DOK7: variants seen among roughly 807,000 people sequenced by gnomAD.
The protein encoded by DOK7 is docking protein 7.
In DOK7, 32 loss-of-function variants were observed where a neutral mutation model predicts 30.7. That is an observed-to-expected ratio of 1.04 (90% CI 0.79 to 1.40). The LOEUF (loss-of-function observed/expected upper bound fraction) is 1.40. Ranked by LOEUF, DOK7 falls within the 40% of genes most tolerant of loss-of-function variation. The pLI is 0.00. For missense variants in DOK7, 1,007 were observed against 699.2 expected (o/e 1.44, Z -4.97); for synonymous variants, 447 against 324.1 (o/e 1.38, Z -4.07).
At chr4:3,484,059 A>G (rs1881803) in intron 4 of DOK7, among the ~76,000 whole-genome samples, 92,351 of 152,130 alleles carry the variant, frequency 0.61, 28,591 homozygotes, top group East Asian at 0.92. Context: ...ATCGGGCCAG[A>G]AGGTGCACAG....
In DOK7 at chr4:3,489,682, A is replaced by C; in HGVS notation, c.658A>C (p.Ser220Arg). Reference protein sequence around the residue: ...FGLRPVLPDPSPPGPSTVEER... With the variant: ...FGLRPVLPDPRPPGPSTVEER... ...GAGTCTTCTCTCTGCCACAGACCCAAGTCCCCCGGGACCCTCGACTGTGGA... is the reference window on the plus strand; with the variant it reads ...GAGTCTTCTCTCTGCCACAGACCCACGTCCCCCGGGACCCTCGACTGTGGA... Residue 220 changes from serine to arginine, a missense_variant, in exon 6 of 7, where the codon AGT becomes CGT. Transcript: ENST00000340083. 6.4e-7 allele frequency: 1 copy of C among 1,566,036 alleles called. No homozygotes were observed. Among genetic ancestry groups the C allele is most frequent in the Non-Finnish European group, 8.7e-7 (1 of 1,155,608 alleles).
chr4:3,493,534 G>C lies in DOK7; in HGVS notation c.*33G>C. On this transcript the variant is annotated 3_prime_UTR_variant, in exon 7 of 7. Coordinates refer to ENST00000340083, the MANE Select transcript of DOK7 (RefSeq NM_173660.5). ...AGATCCCGCCCCGCGGCTGCAAAGGGGCTGAATTTGCCCCCAGATGGCAGA... is the reference window on the plus strand; with the variant it reads ...AGATCCCGCCCCGCGGCTGCAAAGGCGCTGAATTTGCCCCCAGATGGCAGA... The C allele has an allele frequency of 6.2e-7, 1 of 1,603,770 alleles. No individual in the cohort carries two copies. The highest frequency in any genetic ancestry group is 8.5e-7 in the Non-Finnish European group (1 of 1,175,550).
intron 4 of DOK7, among the ~76,000 whole-genome samples, chr4:3,477,280 G>A (rs1209391964): frequency 6.6e-6 from 1 of 152,256 alleles, no homozygotes; most frequent in African/African-American, 2.4e-5. Context: ...TCTCTCTGGA[G>A]GGGCAGCTGC....
intron 1 of DOK7, 21 bp downstream of exon 1, chr4:3,463,450 C>CGGGGGGGGGGGGGGGCGGGGGGGGGGGGG: frequency 1.6e-6 from 2 of 1,229,782 alleles, no homozygotes; most frequent in South Asian, 1.8e-5. Context: ...GTCGGGGGCG[C>CGGGGGGGGGGGGGGGCGGGGGGGGGGGGG]GGGGGGGGGG....
rs753359348 is a variant in DOK7 at position 3,463,459 on chromosome 4, G to GGGGCGC, written c.55-35_55-30dup. Reference sequence around the variant, plus strand: ...GGGCGCGTCGGGGGCGCGGGGGGGGGGGGCGCGGGCGCGGGCGGCGGCTCA... The same window carrying GGGGCGC: ...GGGCGCGTCGGGGGCGCGGGGGGGGGGGGCGCGGGCGCGGGCGCGGGCGGCGGCTCA... On this transcript the variant is annotated intron_variant, in intron 1 of 6. Coordinates refer to ENST00000340083, the MANE Select transcript of DOK7 (RefSeq NM_173660.5). 5.2e-5 allele frequency: 74 copies of GGGGCGC among 1,424,232 alleles called. No homozygotes were observed. The East Asian group carries it at 2.0e-3, about 39-fold the overall frequency. The allele number at this position is 1,424,232 out of a possible 1,614,324, so 88.2% of individuals were successfully genotyped here.
In DOK7 at chr4:3,485,603, C is replaced by A. The variant is rs771302576; in HGVS notation, c.597C>A (p.Ile199=). 3 of 1,608,236 alleles carry A rather than the reference C, an allele frequency of 1.9e-6. No individual in the cohort carries two copies. Among genetic ancestry groups the A allele is most frequent in the Admixed American group, 1.7e-5 (1 of 59,668 alleles). ...GEQISFLFDC[I]VRGISPTKGP... ...AGATCAGCTTCCTGTTCGACTGCAT[C>A]GTCCGAGGCATCTCCCCCACCAAGG... is the stretch of plus-strand genomic sequence containing the variant. Residue 199 remains isoleucine (I), a synonymous_variant, in exon 5 of 7, where the codon ATC becomes ATA. Coordinates refer to ENST00000340083, the MANE Select transcript of DOK7 (RefSeq NM_173660.5).
chr4:3,500,055 TGG>T (rs113597595), intron 6 of DOK7, among the ~76,000 whole-genome samples: 3 of 142,470 alleles, frequency 2.1e-5, no homozygotes, highest in South Asian at 2.1e-4. Context: ...GTGGACAGTG[TGG>T]GGGGGGCCTC....
At chr4:3,490,167 ATTTC>A (rs1728153426) in intron 6 of DOK7, among the ~76,000 whole-genome samples, 3 of 46,372 alleles carry the variant, frequency 6.5e-5, no homozygotes, top group African/African-American at 2.9e-4. Context: ...CTGCTCATTC[ATTTC>A]TTCCTCCGCC....
intron 4 of DOK7, among the ~76,000 whole-genome samples, chr4:3,482,362 G>T (rs1343300839): frequency 1.3e-5 from 2 of 152,258 alleles, no homozygotes; most frequent in African/African-American, 4.8e-5. Flanking sequence ...CAAAGGCCCA[G>T]GAAAGCACTG....
At chr4:3,496,744 T>C (rs963299516), downstream of DOK7, 23 of 1,489,344 alleles carry the variant, frequency 1.5e-5, no homozygotes, top group Admixed American at 1.7e-4. Context: ...GTAGTGTCCT[T>C]GTTCTCGGTG....
At chr4:3,484,690 G>A in intron 4 of DOK7, 1 of 985,560 alleles carries the variant, frequency 1.0e-6, no homozygotes, top group Middle Eastern at 5.2e-4. Flanking sequence ...TGCTGCTGTG[G>A]GGGTGCAGGG....
At chr4:3,486,712 CTTCCT>C (rs1727819856) in intron 5 of DOK7, among the ~76,000 whole-genome samples, 10 of 151,824 alleles carry the variant, frequency 6.6e-5, no homozygotes, top group Non-Finnish European at 1.5e-4. Flanking sequence ...CTGCAGGTGT[CTTCCT>C]GCCTAGTGGA....
chr4:3,463,462 G>GGGGGGGGGGGGGGGGGC, intron 1 of DOK7, 33 bp downstream of exon 1: 1 of 1,215,592 alleles, frequency 8.2e-7, no homozygotes, highest in Non-Finnish European at 1.1e-6. Flanking sequence ...GGGGGGGGGG[G>GGGGGGGGGGGGGGGGGC]CGCGGGCGCG....
At chr4:3,491,061 G>T (rs73195136) in intron 6 of DOK7, among the ~76,000 whole-genome samples, 1 of 75,746 alleles carries the variant, frequency 1.3e-5, no homozygotes, top group Non-Finnish European at 2.4e-5. Flanking sequence ...CTTTTCCCCC[G>T]GCTCATTCCT....
intron 2 of DOK7, among the ~76,000 whole-genome samples, chr4:3,468,746 GTGTC>G (rs1219420598): frequency 3.1e-4 from 36 of 116,488 alleles, no homozygotes; most frequent in East Asian, 2.2e-3. Context: ...GCCTGTGTAT[GTGTC>G]TGTGTGCGTG....
chr4:3,493,729 G>T lies in DOK7; in HGVS notation c.*228G>T. ...CAGGGGCTCTGGGTCCGGCAGGTCG[G>T]GGTCACCAGAGCCCCAATGCTCAGC... On this transcript the variant is annotated 3_prime_UTR_variant, in exon 7 of 7. Coordinates refer to ENST00000340083, the MANE Select transcript of DOK7 (RefSeq NM_173660.5). The T allele has an allele frequency of 7.0e-7, 1 of 1,422,978 alleles. No homozygotes were observed. Among genetic ancestry groups the T allele is most frequent in the Non-Finnish European group, 9.2e-7 (1 of 1,092,818 alleles). 88.1% of individuals were successfully genotyped at this position (1,422,978 alleles called of 1,614,324 possible).
chr4:3,493,809 T>G lies in DOK7; in HGVS notation c.*308T>G, dbSNP rs993317869. 20 of 1,281,724 alleles carry G rather than the reference T, an allele frequency of 1.6e-5. No homozygotes were observed. The highest frequency in any genetic ancestry group is 1.9e-5 in the Non-Finnish European group (19 of 1,013,882). 79.4% of individuals were successfully genotyped at this position (1,281,724 alleles called of 1,614,324 possible). On this transcript the variant is annotated 3_prime_UTR_variant, in exon 7 of 7. Coordinates refer to ENST00000340083, the MANE Select transcript of DOK7 (RefSeq NM_173660.5). Reference sequence around the variant, plus strand: ...GATCAGGTGAGTGCTGCACCTCTGTTGGCTCGTGCCTTGCACTGGGGTGCC... The same window carrying G: ...GATCAGGTGAGTGCTGCACCTCTGTGGGCTCGTGCCTTGCACTGGGGTGCC...
intron 6 of DOK7, among the ~76,000 whole-genome samples, chr4:3,492,025 A>G (rs1171467269): frequency 6.6e-6 from 1 of 152,184 alleles, no homozygotes; most frequent in Non-Finnish European, 1.5e-5. Context: ...TCAGGTTTGC[A>G]ATAAGCTTTT....
At chr4:3,485,807 G>T (rs1727743615) in intron 5 of DOK7, 149 bp downstream of exon 5, 1 of 1,268,366 alleles carries the variant, frequency 7.9e-7, no homozygotes, top group African/African-American at 1.6e-5. Flanking sequence ...TCCAGGCCAG[G>T]ATTGCAGCCT....
Sources: allele counts gnomAD v4.1 joint callset (sites outside exome capture counted in the v4.1 genomes callset), GRCh38; gene constraint gnomAD v4.1.1; transcripts MANE v1.5; gene names NCBI Gene and HGNC (gene_info 2026-07-23, HGNC 2026-07-21).